Variants in IL12RB1 observed in about 807,000 individuals in gnomAD.
IL12RB1 encodes the protein interleukin 12 receptor subunit beta 1.
A neutral mutation model predicts 94.4 loss-of-function variants in IL12RB1; 64 were observed. The ratio of observed to expected loss-of-function variants is 0.68; its 90% CI spans 0.55 to 0.83. The LOEUF is 0.83. Ranked by LOEUF, IL12RB1 falls within the 40% of genes least tolerant of loss-of-function variation. The pLI is 0.00. For synonymous variants in IL12RB1, 362 were observed against 355.5 expected, an observed-to-expected ratio of 1.02 and a Z score of -0.21; for missense variants, 814 against 855.6, an observed-to-expected ratio of 0.95 and a Z score of 0.61.
At position 18,065,776 on chromosome 19, in the gene IL12RB1, G is replaced by A. The variant is rs17885432; in HGVS notation, c.1483+766C>T. On this transcript the variant is annotated intron_variant, in intron 12 of 16. Transcript: ENST00000593993. ...AGAGGTTGCAGTGAGCTGAGATGGC[G>A]CCACTGCACTCCAGCCTGGGTGACA... Among the ~76,000 whole-genome samples, 1,036 of 151,800 alleles carry A rather than the reference G, an allele frequency of 6.8e-3. 9 individuals carry two copies. The highest frequency in any genetic ancestry group is 9.8e-3 in the South Asian group (47 of 4,774).
chr19:18,066,505 CT>C, intron 12 of IL12RB1, 36 bp downstream of exon 12: 1 of 1,505,886 alleles, frequency 6.6e-7, no homozygotes, highest in Non-Finnish European at 9.2e-7. Flanking sequence ...AGGATCCTCC[CT>C]TCCTCCCCAA....
Position 18,080,886 on chromosome 19 carries a change from C to G in IL12RB1, c.355G>C (p.Ala119Pro), listed in dbSNP as rs761129935. 1.9e-6 allele frequency: 3 copies of G among 1,612,278 alleles called. No individual in the cohort carries two copies. The East Asian group carries it at 6.7e-5, about 36-fold the overall frequency. Residue 119 changes from alanine to proline, a missense_variant, in exon 4 of 17, where the codon GCC (alanine) becomes CCC (proline). Physicochemically the swap from Ala to Pro is conservative, Grantham distance 27 (BLOSUM62 -1). Transcript: ENST00000593993. ...GGAGACTTCTCTGTCTGGTTCCTGGCCCAGGATTCCACCCAGAGTGTGACA... is the reference window on the plus strand; with the variant it reads ...GGAGACTTCTCTGTCTGGTTCCTGGGCCAGGATTCCACCCAGAGTGTGACA... ...YTVTLWVESWARNQTEKSPEV... is the reference protein window; with the variant it reads ...YTVTLWVESWPRNQTEKSPEV...
chr19:18,081,597 G>A (rs1038659457), intron 3 of IL12RB1, among the ~76,000 whole-genome samples: 16 of 151,260 alleles, frequency 1.1e-4, no homozygotes, highest in African/African-American at 3.9e-4. Flanking sequence ...AGGGGGGGTG[G>A]ATCACCTGAG....
intron 5 of IL12RB1, among the ~76,000 whole-genome samples, chr19:18,076,654 A>G (rs1371421298): frequency 6.6e-6 from 1 of 151,596 alleles, no homozygotes; most frequent in Non-Finnish European, 1.5e-5. Flanking sequence ...TCCCACCCCA[A>G]CTCGGCCTCC....
chr19:18,079,706 G>C (rs952931014), intron 4 of IL12RB1, among the ~76,000 whole-genome samples: 1 of 151,502 alleles, frequency 6.6e-6, no homozygotes, highest in East Asian at 2.0e-4. Context: ...TCAGGAGATC[G>C]AGACCACGGT....
Position 18,063,078 on chromosome 19 carries a change from A to ATTTTTTTTTTTTTTTTTT in IL12RB1, c.1618+780_1618+797dup, listed in dbSNP as rs67262412. On this transcript the variant is annotated intron_variant, in intron 13 of 16. Coordinates refer to ENST00000593993, the MANE Select transcript of IL12RB1 (RefSeq NM_005535.3). ...TCTTTCTTCTCCTTCTTCTTCTTCT[A>ATTTTTTTTTTTTTTTTTT]TTTTTTTTTTTTTTTTTTTTTTTTT... Among the ~76,000 whole-genome samples the ATTTTTTTTTTTTTTTTTT allele has an allele frequency of 1.2e-4, 6 of 51,462 alleles. 1 individual carries two copies. The highest frequency in any genetic ancestry group is 9.8e-4 in the Admixed American group (3 of 3,048). 33.8% of individuals were successfully genotyped at this position (51,462 alleles called of 152,430 possible).
intron 12 of IL12RB1, among the ~76,000 whole-genome samples, chr19:18,066,042 A>AT (rs199581643): frequency 7.1e-6 from 1 of 141,266 alleles, no homozygotes; most frequent in African/African-American, 3.1e-5. Context: ...TGTCTATAAA[A>AT]TTAAAAAAAA....
rs1312313669 is a variant in IL12RB1, at chr19:18,068,408, G to C, written c.1308C>G (p.Thr436=). Residue 436 remains threonine (T), a synonymous_variant, in exon 11 of 17, where the codon ACC becomes ACG. Transcript: ENST00000593993. ...ACTTACCATTGCCCCCAAAGTGGTA[G>C]GTGGACAGGACCGTAGACCACAAGG... ...KLTLWSTVLS[T]YHFGGNASAA... is the part of the protein sequence containing the mutation. The C allele has an allele frequency of 1.2e-6, 2 of 1,612,560 alleles. No homozygotes were observed. The highest frequency in any genetic ancestry group is 1.7e-6 in the Non-Finnish European group (2 of 1,179,156).
Position 18,070,504 on chromosome 19 carries a change from C to T in IL12RB1, c.1022-791G>A, listed in dbSNP as rs374240192. On this transcript the variant is annotated intron_variant, in intron 9 of 16. Transcript: ENST00000593993. Reference sequence around the variant, plus strand: ...TCAGTCCCTGGGCAAATCTCTCCCACTCCCTCCCGCCAGGGCGTCTTCATG... The same window carrying T: ...TCAGTCCCTGGGCAAATCTCTCCCATTCCCTCCCGCCAGGGCGTCTTCATG... 1.2e-5 allele frequency: 12 copies of T among 984,634 alleles called. No individual in the cohort carries two copies. The East Asian group carries it at 4.5e-4, about 37-fold the overall frequency. 61.0% of individuals were successfully genotyped at this position (984,634 alleles called of 1,614,324 possible). A position where few individuals can be genotyped will look rare whatever the true frequency, so the allele number is the denominator to read the frequency against.
intron 16 of IL12RB1, 61 bp downstream of exon 16, chr19:18,059,833 G>GCC: frequency 2.0e-6 from 2 of 976,022 alleles, no homozygotes; most frequent in Admixed American, 2.0e-5. Flanking sequence ...TGGATGTCTA[G>GCC]CCCCCCCACC....
At chr19:18,080,528 C>T (rs2035820263) in intron 4 of IL12RB1, among the ~76,000 whole-genome samples, 1 of 152,262 alleles carries the variant, frequency 6.6e-6, no homozygotes, top group East Asian at 1.9e-4. Context: ...TGATCCACCG[C>T]ACCCGGCAAA....
Position 18,073,498 on chromosome 19 carries a change from C to T in IL12RB1, c.783+19G>A, listed in dbSNP as rs765402354. ...TCCCCATCCCAGGCCACCCCACAGC[C>T]CTGTGACAGCCCCGTTACCTGCTCT... On this transcript the variant is annotated intron_variant, in intron 8 of 16. Transcript: ENST00000593993. The T allele has an allele frequency of 2.0e-6, 3 of 1,528,900 alleles. No homozygotes were observed. The highest frequency in any genetic ancestry group is 2.2e-5 in the East Asian group (1 of 44,500). The allele number at this position is 1,528,900 out of a possible 1,614,324, so 94.7% of individuals were successfully genotyped here.
At chr19:18,093,361 CGTGTGTGT>C (rs67190458) in intron 1 of IL12RB1, among the ~76,000 whole-genome samples, 2 of 146,876 alleles carry the variant, frequency 1.4e-5, no homozygotes, top group East Asian at 2.0e-4. Context: ...TGTGTGTGTG[CGTGTGTGT>C]GTGTGTGTGT....
intron 1 of IL12RB1, among the ~76,000 whole-genome samples, chr19:18,083,743 CCCATCCATCCAT>C (rs146292111): frequency 4.1e-5 from 6 of 147,972 alleles, no homozygotes; most frequent in African/African-American, 7.6e-5. Context: ...CATCCATTCA[CCCATCCATCCAT>C]CCATCCATCC....
At chr19:18,071,393 TTTTC>T (rs1450924409) in intron 9 of IL12RB1, 12 of 921,950 alleles carry the variant, frequency 1.3e-5, no homozygotes, top group Non-Finnish European at 1.8e-5. Context: ...CTCTAGCCTT[TTTTC>T]TTTCTTTCTC....
At position 18,083,442 on chromosome 19, in the gene IL12RB1, A is replaced by G; in HGVS notation, c.114T>C (p.Asp38=). The change falls in exon 2 of 17, where the codon GAT becomes GAC. Residue 38 remains aspartate, a synonymous_variant. Transcript: ENST00000593993. The part of the protein sequence containing the change: ...ECCFQDPPYP[D]ADSGSASGPR... ...GGAACTGCCCCGAACCTGAGTCTGC[A>G]TCCGGATATGGCGGGTCCTGAAAAC... is the stretch of plus-strand genomic sequence containing the variant. The G allele has an allele frequency of 1.9e-6, 3 of 1,614,092 alleles. No homozygotes were observed. The highest frequency in any genetic ancestry group is 2.5e-6 in the Non-Finnish European group (3 of 1,179,984).
At chr19:18,091,105 A>G (rs1003893664), upstream of IL12RB1, among the ~76,000 whole-genome samples, 1 of 152,090 alleles carries the variant, frequency 6.6e-6, no homozygotes, top group African/African-American at 2.4e-5. Flanking sequence ...GAGCCATGGC[A>G]GGTGTGTGAG....
chr19:18,096,446 A>T (rs1236309298), intron 1 of IL12RB1, among the ~76,000 whole-genome samples: 1 of 152,138 alleles, frequency 6.6e-6, no homozygotes, highest in Non-Finnish European at 1.5e-5. Flanking sequence ...TTTTGTAAGT[A>T]AAGTTTTATT....
intron 3 of IL12RB1, among the ~76,000 whole-genome samples, chr19:18,081,374 G>A (rs1038304269): frequency 2.0e-5 from 3 of 151,028 alleles, no homozygotes; most frequent in African/African-American, 7.3e-5. Flanking sequence ...GGGATTACAA[G>A]CGTGAGCCAC....
Sources: gnomAD v4.1 joint callset for allele counts (sites outside exome capture counted in the v4.1 genomes callset) on GRCh38, gnomAD v4.1.1 for gene constraint, MANE v1.5 for transcripts, NCBI Gene and HGNC (gene_info 2026-07-23, HGNC 2026-07-21) for gene names.